Variants in ELP4 observed in about 807,000 individuals in gnomAD.
ELP4 encodes elongator complex protein 4.
In ELP4, 51 loss-of-function variants were observed where a neutral mutation model predicts 48.9. The observed-to-expected ratio is 1.04, with a 90% CI of 0.83 to 1.32. The LOEUF (loss-of-function observed/expected upper bound fraction) is 1.32, where lower values mean the gene tolerates loss of function less well. Among genes scored for constraint, ELP4 ranks in the 40% most tolerant of loss-of-function variants. ELP4 has a pLI of 0.00. For synonymous variants in ELP4, 210 were observed against 189.2 expected, an observed-to-expected ratio of 1.11 and a Z score of -0.90; for missense variants, 519 against 514.6, an observed-to-expected ratio of 1.01 and a Z score of -0.08.
At chr11:31,707,937 A>T (rs577172176) in intron 9 of ELP4, among the ~76,000 whole-genome samples, 1 of 152,272 alleles carries the variant, frequency 6.6e-6, no homozygotes, top group Non-Finnish European at 1.5e-5. Flanking sequence ...CCATTTCAGG[A>T]TCCCTAATCA....
chr11:31,591,588 T>A (rs549368929), intron 3 of ELP4, among the ~76,000 whole-genome samples: 1 of 152,052 alleles, frequency 6.6e-6, no homozygotes, highest in South Asian at 2.1e-4. Context: ...TATTTAAAAA[T>A]AATAATAATA....
intron 9 of ELP4, among the ~76,000 whole-genome samples, chr11:31,706,107 TA>T (rs1194938936): frequency 6.6e-6 from 1 of 152,166 alleles, no homozygotes; most frequent in Admixed American, 6.5e-5. Context: ...TTGTATGTTG[TA>T]TTTTTTTACT....
chr11:31,551,730 GA>G (rs1956856043), intron 3 of ELP4, among the ~76,000 whole-genome samples: 1 of 152,068 alleles, frequency 6.6e-6, no homozygotes, highest in African/African-American at 2.4e-5. Context: ...CTATTTCTAA[GA>G]AAAATGGAAT....
chr11:31,694,720 G>A (rs906568596), intron 9 of ELP4, among the ~76,000 whole-genome samples: 1 of 152,290 alleles, frequency 6.6e-6, no homozygotes, highest in Admixed American at 6.5e-5. Flanking sequence ...TAGCTTAATG[G>A]GGATGGCATT....
rs538191987 is a variant in ELP4, at chr11:31,553,680, A to T, written c.381+13897A>T. Among the ~76,000 whole-genome samples the T allele has an allele frequency of 1.1e-3, 174 of 151,648 alleles. 1 individual carries two copies. Among genetic ancestry groups the T allele is most frequent in the African/African-American group, 3.7e-3 (151 of 41,242 alleles). ...GGTCTTTGGATTTGCCCACATCTAT[A>T]ATTATATGAGACAGTTTCTTACAAT... On this transcript the variant is annotated intron_variant, in intron 3 of 9. Coordinates refer to ENST00000640961, the MANE Select transcript of ELP4 (RefSeq NM_019040.5).
chr11:31,682,311 C>T (rs981134703), intron 9 of ELP4, among the ~76,000 whole-genome samples: 2 of 152,112 alleles, frequency 1.3e-5, no homozygotes, highest in Admixed American at 1.3e-4. Context: ...TGCTTGTTTA[C>T]GTATTTGCCT....
In ELP4 at chr11:31,510,020, C is replaced by A; in HGVS notation, c.223+13C>A. 3.1e-6 allele frequency: 5 copies of A among 1,604,774 alleles called. No homozygotes were observed. Among genetic ancestry groups the A allele is most frequent in the Non-Finnish European group, 4.3e-6 (5 of 1,175,194 alleles). On this transcript the variant is annotated intron_variant, in intron 1 of 9. Coordinates refer to ENST00000640961, the MANE Select transcript of ELP4 (RefSeq NM_019040.5). ...GACCAGCTCTTAGGTCGGTTCAGAG[C>A]GGAGATCTGGGCTCAGCCGAGGGGA...
intron 5 of ELP4, among the ~76,000 whole-genome samples, chr11:31,625,508 G>A (rs1944724183): frequency 6.6e-6 from 1 of 151,648 alleles, no homozygotes; most frequent in African/African-American, 2.4e-5. Flanking sequence ...TGACAACATG[G>A]GTGAAACTGA....
chr11:31,563,106 T>C (rs866106179), intron 3 of ELP4, among the ~76,000 whole-genome samples: 108 of 152,284 alleles, frequency 7.1e-4, no homozygotes, highest in African/African-American at 2.5e-3. Flanking sequence ...AATGCTTAAG[T>C]AGTATTAATT....
chr11:31,743,822 A>T (rs1370440881), intron 9 of ELP4, among the ~76,000 whole-genome samples: 3 of 152,212 alleles, frequency 2.0e-5, no homozygotes, highest in Admixed American at 6.5e-5. Flanking sequence ...ACACCCTAAC[A>T]TCACAATTAA....
chr11:31,578,920 A>G (rs1052378235), intron 3 of ELP4, among the ~76,000 whole-genome samples: 1 of 152,262 alleles, frequency 6.6e-6, no homozygotes, highest in Non-Finnish European at 1.5e-5. Flanking sequence ...AATGACAACA[A>G]AAGCCAAAAT....
At chr11:31,554,869 G>C (rs183100358) in intron 3 of ELP4, among the ~76,000 whole-genome samples, 1 of 152,122 alleles carries the variant, frequency 6.6e-6, no homozygotes, top group African/African-American at 2.4e-5. Flanking sequence ...TTATTGCTGA[G>C]ACAAAAACCA....
intron 9 of ELP4, chr11:31,719,362 T>C (rs1464086708): frequency 2.5e-6 from 1 of 394,654 alleles, no homozygotes; most frequent in African/African-American, 2.1e-5. Context: ...GGCAGAGTTT[T>C]TGTGGAATGG....
chr11:31,584,343 A>G (rs1957438530), intron 3 of ELP4, among the ~76,000 whole-genome samples: 1 of 152,014 alleles, frequency 6.6e-6, no homozygotes, highest in African/African-American at 2.4e-5. Flanking sequence ...ACATTCTACA[A>G]GTTTTATTCT....
chr11:31,690,228 C>T (rs1355816651), intron 9 of ELP4, among the ~76,000 whole-genome samples: 1 of 152,004 alleles, frequency 6.6e-6, no homozygotes. Context: ...CATCTGTTTC[C>T]ACCTCATTCT....
intron 6 of ELP4, 50 bp from the exon 7 acceptor site, chr11:31,632,167 T>G (rs1236829356): frequency 6.8e-7 from 1 of 1,468,938 alleles, no homozygotes; most frequent in Admixed American, 2.0e-5. Context: ...AGTGGTATTC[T>G]ATTGATTAAC....
chr11:31,709,070 C>T (rs999624900), intron 9 of ELP4, among the ~76,000 whole-genome samples: 1 of 152,090 alleles, frequency 6.6e-6, no homozygotes, highest in East Asian at 1.9e-4. Context: ...TTTCTACTCT[C>T]TAACAACTCT....
intron 5 of ELP4, among the ~76,000 whole-genome samples, chr11:31,626,651 T>G (rs973572005): frequency 6.6e-6 from 1 of 151,874 alleles, no homozygotes; most frequent in African/African-American, 2.4e-5. Context: ...TATTATTATT[T>G]TAGAAGTTTG....
At chr11:31,602,960 A>G (rs1377669557) in intron 4 of ELP4, among the ~76,000 whole-genome samples, 1 of 151,976 alleles carries the variant, frequency 6.6e-6, no homozygotes, top group Non-Finnish European at 1.5e-5. Flanking sequence ...AATTAGCTCA[A>G]AGTCCATTCA....
Sources: gnomAD v4.1 joint callset for allele counts (sites outside exome capture counted in the v4.1 genomes callset) on GRCh38, gnomAD v4.1.1 for gene constraint, MANE v1.5 for transcripts, NCBI Gene and HGNC (gene_info 2026-07-23, HGNC 2026-07-21) for gene names.